GFUS: variants seen among roughly 807,000 people sequenced by gnomAD.
The protein encoded by GFUS is 3-5 epimerase/4-reductase.
In GFUS, 42 loss-of-function variants were observed where a neutral mutation model predicts 41.5. The observed-to-expected ratio is 1.01, with a 90% confidence interval of 0.79 to 1.31. The LOEUF is 1.31. Ranked by LOEUF, GFUS falls within the 50% of genes most tolerant of loss-of-function variation. The pLI is 0.00. For synonymous variants in GFUS, 188 were observed against 173.4 expected (o/e 1.08, Z -0.66); for missense variants, 437 against 428.7 (o/e 1.02, Z -0.17).
rs764951633 is a variant in GFUS at position 143,614,159 on chromosome 8, C to T, written c.663+5G>A. ...CTGGGGAGAGCTGTGCCTTCCTTTA[C>T]GCACCAGCGAGTATATGAACTGCCT... On this transcript the variant is annotated splice_donor_5th_base_variant and intron_variant, in intron 7 of 10. Coordinates refer to ENST00000425753, the MANE Select transcript of GFUS (RefSeq NM_003313.4). The T allele has an allele frequency of 1.3e-5, 21 of 1,612,944 alleles. No individual in the cohort carries two copies. Among genetic ancestry groups the T allele is most frequent in the Middle Eastern group, 1.7e-4 (1 of 6,046 alleles).
chr8:143,613,332 CT>C, intron 9 of GFUS, 37 bp from the exon 10 acceptor site: 1 of 1,593,262 alleles, frequency 6.3e-7, no homozygotes, highest in Non-Finnish European at 8.6e-7. Context: ...AGAAGAGCAC[CT>C]CCACCCCAGC....
In GFUS at chr8:143,612,635, T is replaced by C; in HGVS notation, c.*275A>G. On this transcript the variant is annotated 3_prime_UTR_variant, in exon 11 of 11. Coordinates refer to ENST00000425753, the MANE Select transcript of GFUS (RefSeq NM_003313.4). ...AAGGCCAGGCCTGTGAAAATGCACT[T>C]TATTGGCTCCCAGGGAGTGGGATGC... is the stretch of plus-strand genomic sequence containing the variant. 3.5e-6 allele frequency: 2 copies of C among 570,128 alleles called. No individual in the cohort carries two copies. Among genetic ancestry groups the C allele is most frequent in the East Asian group, 5.9e-5 (2 of 34,174 alleles). 35.3% of individuals were successfully genotyped at this position (570,128 alleles called of 1,614,324 possible).
chr8:143,614,160 G>A lies in GFUS; in HGVS notation c.663+4C>T, dbSNP rs752324538. 50 of 1,612,766 alleles carry A rather than the reference G, an allele frequency of 3.1e-5. No individual in the cohort carries two copies. The highest frequency in any genetic ancestry group is 4.0e-5 in the African/African-American group (3 of 74,926). Reference sequence around the variant, plus strand: ...TGGGGAGAGCTGTGCCTTCCTTTACGCACCAGCGAGTATATGAACTGCCTC... The same window carrying A: ...TGGGGAGAGCTGTGCCTTCCTTTACACACCAGCGAGTATATGAACTGCCTC... On this transcript the variant is annotated splice_donor_region_variant and intron_variant, in intron 7 of 10. Transcript: ENST00000425753.
chr8:143,614,790 G>C lies in GFUS; in HGVS notation c.387C>G (p.Thr129=), dbSNP rs7000400. 3,708 of 1,613,670 alleles carry C rather than the reference G, an allele frequency of 2.3e-3. 71 individuals are homozygous for C. In the African/African-American group the frequency reaches 0.043, roughly 19 times the overall value. ...ACAGCCAGGCCCTGCCCCTCACCAT[G>C]GTCTCATCTATCGGGTAGGTCGTCT... ...PDKTTYPIDE[T]MIHNGPPHNS... Residue 129 remains threonine (T), a synonymous_variant, in exon 4 of 11, where the codon ACC becomes ACG. Transcript: ENST00000425753.
At chr8:143,616,435 A>T (rs1437434868) in intron 2 of GFUS, 132 bp downstream of exon 2, 1 of 1,425,178 alleles carries the variant, frequency 7.0e-7, no homozygotes, top group Non-Finnish European at 9.8e-7. Flanking sequence ...AGGCCAGGCC[A>T]GCCACCTGGC....
At chr8:143,614,014 G>A in intron 7 of GFUS, 150 bp downstream of exon 7, 1 of 1,211,834 alleles carries the variant, frequency 8.3e-7, no homozygotes, top group African/African-American at 1.5e-5. Context: ...CCTCCACGAG[G>A]ACCAGAGATG....
rs544662709 is a variant in GFUS at position 143,615,396 on chromosome 8, C to T, written c.262-481G>A. On this transcript the variant is annotated intron_variant, in intron 3 of 10. Transcript: ENST00000425753. Reference sequence around the variant, plus strand: ...CCACTTCCCGTGCATGAACTAGACACGGCATGGCTGGAGCCCTGGGACTGG... The same window carrying T: ...CCACTTCCCGTGCATGAACTAGACATGGCATGGCTGGAGCCCTGGGACTGG... Among the ~76,000 whole-genome samples, 36 of 152,326 alleles carry T rather than the reference C, an allele frequency of 2.4e-4. No individual in the cohort carries two copies. In the South Asian group the frequency reaches 7.5e-3, roughly 32 times the overall value.
intron 9 of GFUS, 71 bp downstream of exon 9, chr8:143,613,453 C>A: frequency 6.4e-7 from 1 of 1,558,532 alleles, no homozygotes; most frequent in East Asian, 2.3e-5. Flanking sequence ...CACGCTGGCC[C>A]TACACCGGGT....
chr8:143,613,132 C>CA (rs931692248), intron 10 of GFUS, 64 bp downstream of exon 10: 26 of 1,563,426 alleles, frequency 1.7e-5, no homozygotes, highest in Non-Finnish European at 2.1e-5. Flanking sequence ...GCCCTGGTAG[C>CA]GAGCATGAGG....
chr8:143,615,151 C>A (rs1039520479), intron 3 of GFUS, among the ~76,000 whole-genome samples: 2 of 152,200 alleles, frequency 1.3e-5, no homozygotes, highest in Non-Finnish European at 1.5e-5. Flanking sequence ...GAGAACCACA[C>A]CCCCAGCTCA....
rs139620518 is a variant in GFUS, at chr8:143,614,210, G to A, written c.617C>T (p.Thr206Met). The change falls in exon 7 of 11, where the codon ACG becomes ATG. Residue 206 changes from threonine (T) to methionine (M), a missense_variant. Coordinates refer to ENST00000425753, the MANE Select transcript of GFUS (RefSeq NM_003313.4). Reference protein sequence around the residue: ...HLAKSSGSALTVWGTGNPRRQ... With the variant: ...HLAKSSGSALMVWGTGNPRRQ... Reference sequence around the variant, plus strand: ...CCGCGGATTCCCTGTACCCCACACCGTCAGGGCCGAGCCGCTGCCTGCAGA... The same window carrying A: ...CCGCGGATTCCCTGTACCCCACACCATCAGGGCCGAGCCGCTGCCTGCAGA... 4.0e-5 allele frequency: 65 copies of A among 1,613,548 alleles called. No homozygotes were observed. In the East Asian group the frequency reaches 5.8e-4, roughly 14 times the overall value.
rs775783295 is a variant in GFUS, at chr8:143,616,303, C to G, written c.147-83G>C. 3.1e-5 allele frequency: 43 copies of G among 1,377,224 alleles called. No homozygotes were observed. In the Admixed American group the frequency reaches 7.2e-4, roughly 23 times the overall value. The allele number at this position is 1,377,224 out of a possible 1,614,324, so 85.3% of individuals were successfully genotyped here. On this transcript the variant is annotated intron_variant, in intron 2 of 10. Coordinates refer to ENST00000425753, the MANE Select transcript of GFUS (RefSeq NM_003313.4). ...TGCCAAGTGCAGGAACTGGGTGGGA[C>G]TATGGCAGGAGGGACAGTCAAAAGG... is the stretch of plus-strand genomic sequence containing the variant.
In GFUS at chr8:143,614,172, A is replaced by T. The variant is rs1023161863; in HGVS notation, c.655T>A (p.Tyr219Asn). 5.6e-6 allele frequency: 9 copies of T among 1,613,428 alleles called. No homozygotes were observed. Among genetic ancestry groups the T allele is most frequent in the Non-Finnish European group, 6.8e-6 (8 of 1,180,010 alleles). The change falls in exon 7 of 11, where the codon TAC becomes AAC. Residue 219 changes from tyrosine to asparagine, a missense_variant. Physicochemically the swap from Tyr to Asn is moderately radical, Grantham distance 143. Transcript: ENST00000425753. Reference protein sequence around the residue: ...GTGNPRRQFIYSLDLAQLFIW... With the variant: ...GTGNPRRQFINSLDLAQLFIW... ...TGCCTTCCTTTACGCACCAGCGAGT[A>T]TATGAACTGCCTCCGCGGATTCCCT...
intron 2 of GFUS, 77 bp downstream of exon 2, chr8:143,616,490 C>T: frequency 6.2e-7 from 1 of 1,601,718 alleles, no homozygotes; most frequent in Non-Finnish European, 8.5e-7. Flanking sequence ...CAGCAACATG[C>T]CCAGCCTGGA....
At position 143,614,417 on chromosome 8, in the gene GFUS, A is replaced by G. The variant is rs888000206; in HGVS notation, c.501T>C (p.Ala167=). 8 of 1,613,826 alleles carry G rather than the reference A, an allele frequency of 5.0e-6. No individual in the cohort carries two copies. The highest frequency in any genetic ancestry group is 6.8e-6 in the Non-Finnish European group (8 of 1,179,960). Residue 167 remains alanine (A), a synonymous_variant, in exon 6 of 11, where the codon GCT becomes GCC. Coordinates refer to ENST00000425753, the MANE Select transcript of GFUS (RefSeq NM_003313.4). ...YFQQYGCTFT[A]VIPTNVFGPH... ...GCCCGAAGACGTTGGTGGGGATGAC[A>G]GCGGTGAAGGTGCAGCCGTACTGCT...
chr8:143,614,999 C>A, intron 3 of GFUS, 84 bp from the exon 4 acceptor site: 1 of 1,529,054 alleles, frequency 6.5e-7, no homozygotes, highest in Non-Finnish European at 8.8e-7. Context: ...GAAGTGGAGA[C>A]ACACCCTGGC....
rs1829739162 is a variant in GFUS, at chr8:143,616,783, T to C, written c.-11-60A>G. 3 of 1,597,694 alleles carry C rather than the reference T, an allele frequency of 1.9e-6. 1 individual carries two copies. The highest frequency in any genetic ancestry group is 2.6e-6 in the Non-Finnish European group (3 of 1,168,964). Reference sequence around the variant, plus strand: ...ACGCTCTCATCCTTTGGAGCCCCACTCTTCTGTGGCAACTGGCACAGAGTG... The same window carrying C: ...ACGCTCTCATCCTTTGGAGCCCCACCCTTCTGTGGCAACTGGCACAGAGTG... On this transcript the variant is annotated intron_variant, in intron 1 of 10. Coordinates refer to ENST00000425753, the MANE Select transcript of GFUS (RefSeq NM_003313.4).
At chr8:143,617,937 C>T (rs1233903040), upstream of GFUS, 1 of 152,286 alleles carries the variant, frequency 6.6e-6, no homozygotes, top group African/African-American at 2.4e-5. Context: ...CCTCGCGCCG[C>T]AGCCTCTTGG....
Position 143,614,392 on chromosome 8 carries a change from G to T in GFUS, c.526C>A (p.Pro176Thr). The change falls in exon 6 of 11, where the codon CCC becomes ACC. Residue 176 changes from proline (P) to threonine (T), a missense_variant. Coordinates refer to ENST00000425753, the MANE Select transcript of GFUS (RefSeq NM_003313.4). ...TCCTCGATGTTGAAGTTGTCGTGGG[G>T]CCCGAAGACGTTGGTGGGGATGACA... ...TAVIPTNVFG[P>T]HDNFNIEDGH... is the part of the protein sequence containing the mutation. The T allele has an allele frequency of 6.2e-7, 1 of 1,613,962 alleles. No individual in the cohort carries two copies. The highest frequency in any genetic ancestry group is 8.5e-7 in the Non-Finnish European group (1 of 1,179,990).
Sources: allele counts gnomAD v4.1 joint callset (sites outside exome capture counted in the v4.1 genomes callset), GRCh38; gene constraint gnomAD v4.1.1; transcripts MANE v1.5; gene names NCBI Gene and HGNC (gene_info 2026-07-23, HGNC 2026-07-21).